MTMR14: variants seen among roughly 807,000 people sequenced by gnomAD.
The protein encoded by MTMR14 is myotubularin related protein 14.
A neutral mutation model predicts 86.3 loss-of-function variants in MTMR14; 48 were observed. The ratio of observed to expected loss-of-function variants is 0.56; its 90% CI spans 0.44 to 0.71. MTMR14 has a LOEUF of 0.71. Ranked by LOEUF, MTMR14 falls within the 30% of genes least tolerant of loss-of-function variation. The pLI is 0.00. For synonymous variants in MTMR14, 366 were observed against 326.1 expected (o/e 1.12, Z -1.32); for missense variants, 780 against 834.6 (o/e 0.93, Z 0.81).
At chr3:9,690,451 C>T (rs1222990189) in intron 17 of MTMR14, among the ~76,000 whole-genome samples, 1 of 152,192 alleles carries the variant, frequency 6.6e-6, no homozygotes, top group African/African-American at 2.4e-5. Context: ...GCCTCCTAGG[C>T]GCACCTCCCA....
intron 14 of MTMR14, 67 bp downstream of exon 14, chr3:9,687,958 C>A: frequency 3.0e-6 from 4 of 1,353,904 alleles, no homozygotes; most frequent in Non-Finnish European, 4.1e-6. Flanking sequence ...CCCTGGGAGG[C>A]AAGAGGCTGA....
chr3:9,676,820 G>T (rs2075596214), intron 7 of MTMR14, among the ~76,000 whole-genome samples: 1 of 152,206 alleles, frequency 6.6e-6, no homozygotes, highest in African/African-American at 2.4e-5. Flanking sequence ...CGGGTTTTAG[G>T]CACTGTCCGT....
intron 3 of MTMR14, among the ~76,000 whole-genome samples, chr3:9,664,465 C>A (rs1039300388): frequency 1.3e-5 from 2 of 151,632 alleles, no homozygotes; most frequent in Non-Finnish European, 2.9e-5. Flanking sequence ...TGCTTGCTTC[C>A]ACTGTGTTAA....
chr3:9,651,592 A>G (rs889426127), intron 1 of MTMR14, among the ~76,000 whole-genome samples: 2 of 152,206 alleles, frequency 1.3e-5, no homozygotes, highest in Admixed American at 1.3e-4. Flanking sequence ...ATTTATAACA[A>G]TTCAGGCAGA....
At chr3:9,695,527 T>TG (rs2076257619) in intron 17 of MTMR14, among the ~76,000 whole-genome samples, 1 of 152,148 alleles carries the variant, frequency 6.6e-6, no homozygotes, top group African/African-American at 2.4e-5. Context: ...TGTTACCTAC[T>TG]GAGACATGGG....
chr3:9,681,868 C>CA (rs1455463592), intron 9 of MTMR14, among the ~76,000 whole-genome samples: 1 of 152,200 alleles, frequency 6.6e-6, no homozygotes. Context: ...TCTACCAGCC[C>CA]AGCCCTCCCC....
chr3:9,658,873 A>G (rs988990270), intron 2 of MTMR14, among the ~76,000 whole-genome samples: 1 of 152,236 alleles, frequency 6.6e-6, no homozygotes, highest in Non-Finnish European at 1.5e-5. Context: ...GAAATATGTG[A>G]TAACAGCATT....
intron 18 of MTMR14, chr3:9,700,615 A>G (rs1182110882): frequency 6.6e-6 from 1 of 152,214 alleles, no homozygotes; most frequent in African/African-American, 2.4e-5. Context: ...GAATAGAATC[A>G]GAACACAGAT....
intron 2 of MTMR14, among the ~76,000 whole-genome samples, chr3:9,657,652 G>C (rs1269972365): frequency 6.6e-6 from 1 of 152,154 alleles, no homozygotes; most frequent in East Asian, 1.9e-4. Context: ...TCAGGTTCAA[G>C]TGATTCTCCT....
chr3:9,649,538 G>A lies in MTMR14; in HGVS notation c.-46G>A, dbSNP rs890789614. 6.6e-6 allele frequency: 10 copies of A among 1,514,382 alleles called. No individual in the cohort carries two copies. Among genetic ancestry groups the A allele is most frequent in the East Asian group, 4.9e-5 (2 of 40,514 alleles). The allele number at this position is 1,514,382 out of a possible 1,614,324, so 93.8% of individuals were successfully genotyped here. ...GTGTCGGAGTTGGGTGCAGGCAGGT[G>A]CCATGGGCCCGCTTGAGGCACACTG... On this transcript the variant is annotated 5_prime_UTR_variant, in exon 1 of 19. Transcript: ENST00000296003.
intron 1 of MTMR14, among the ~76,000 whole-genome samples, chr3:9,650,695 G>A (rs2047228926): frequency 6.6e-6 from 1 of 151,974 alleles, no homozygotes; most frequent in Non-Finnish European, 1.5e-5. Flanking sequence ...TAAAATTTGT[G>A]CTTATGGGAT....
chr3:9,697,926 A>G lies in MTMR14; in HGVS notation c.1769+60A>G, dbSNP rs1575094123. On this transcript the variant is annotated intron_variant, in intron 18 of 18. Coordinates refer to ENST00000296003, the MANE Select transcript of MTMR14 (RefSeq NM_001077525.3). ...CTGCCCATGGGAAAAGCTGGTGAGC[A>G]GTCAGGAGTGCTGGGTAGGAATGAG... 4 of 1,608,570 alleles carry G rather than the reference A, an allele frequency of 2.5e-6. No homozygotes were observed. In the East Asian group the frequency reaches 8.9e-5, roughly 36 times the overall value.
intron 6 of MTMR14, among the ~76,000 whole-genome samples, chr3:9,671,640 CTG>C (rs1385283954): frequency 2.0e-5 from 3 of 150,094 alleles, no homozygotes; most frequent in African/African-American, 7.6e-5. Context: ...AATGAGCCCA[CTG>C]TGCCTGGTCC....
intron 2 of MTMR14, among the ~76,000 whole-genome samples, chr3:9,657,296 T>G (rs2047663067): frequency 6.6e-6 from 1 of 152,196 alleles, no homozygotes; most frequent in South Asian, 2.1e-4. Flanking sequence ...GAGGTGGGCC[T>G]GCGATTTGGC....
At chr3:9,682,650 C>T (rs1412449726) in intron 9 of MTMR14, among the ~76,000 whole-genome samples, 1 of 152,178 alleles carries the variant, frequency 6.6e-6, no homozygotes, top group Non-Finnish European at 1.5e-5. Flanking sequence ...TATTATTCAT[C>T]AAAAGATAGT....
intron 3 of MTMR14, among the ~76,000 whole-genome samples, chr3:9,668,132 A>G (rs1553671951): frequency 1.3e-5 from 2 of 152,160 alleles, no homozygotes; most frequent in African/African-American, 2.4e-5. Context: ...CTTAACAGTG[A>G]TCCCTTCAGT....
At chr3:9,660,263 T>A (rs1373463991) in intron 2 of MTMR14, among the ~76,000 whole-genome samples, 3 of 147,102 alleles carry the variant, frequency 2.0e-5, no homozygotes, top group Non-Finnish European at 4.6e-5. Flanking sequence ...GCACTTTGCT[T>A]TTTTTTTTTT....
At position 9,697,734 on chromosome 3, in the gene MTMR14, G is replaced by T. The variant is rs780513155; in HGVS notation, c.1637G>T (p.Gly546Val). The change falls in exon 18 of 19, where the codon GGA becomes GTA. Residue 546 changes from glycine (G) to valine (V), a missense_variant. By Grantham distance (109) the Gly-to-Val change is moderately radical. Coordinates refer to ENST00000296003, the MANE Select transcript of MTMR14 (RefSeq NM_001077525.3). Reference protein sequence around the residue: ...KPRSVDHPLPGSSLSTDYGSW... With the variant: ...KPRSVDHPLPVSSLSTDYGSW... ...AGATCAGTGGACCATCCCCTGCCCG[G>T]ATCCTCTCTCTCCACAGACTATGGC... 1.2e-6 allele frequency: 2 copies of T among 1,614,024 alleles called. No individual in the cohort carries two copies. The highest frequency in any genetic ancestry group is 1.7e-6 in the Non-Finnish European group (2 of 1,179,990).
At position 9,649,636 on chromosome 3, in the gene MTMR14, C is replaced by T. The variant is rs1483536746; in HGVS notation, c.53C>T (p.Ser18Phe). Residue 18 changes from serine (S) to phenylalanine (F), a missense_variant, in exon 1 of 19, where the codon TCT (serine) becomes TTT (phenylalanine). By Grantham distance (155) the Ser-to-Phe change is radical. Transcript: ENST00000296003. ...GCTGCCTCGGCGGGGTCCTCGGCCT[C>T]TTCAGGCAACCAGCCGCCTCAGGAG... ...AAAASAGSSA[S>F]SGNQPPQELG... 1 of 1,569,162 alleles carries T rather than the reference C, an allele frequency of 6.4e-7. No homozygotes were observed. The highest frequency in any genetic ancestry group is 1.9e-5 in the Admixed American group (1 of 52,840).
Sources: allele counts gnomAD v4.1 joint callset (sites outside exome capture counted in the v4.1 genomes callset), GRCh38; gene constraint gnomAD v4.1.1; transcripts MANE v1.5; gene names NCBI Gene and HGNC (gene_info 2026-07-23, HGNC 2026-07-21).